The following RTL4 variants were observed in gnomAD, a reference collection of about 807,000 sequenced individuals.
The protein encoded by RTL4 is retrotransposon Gag like 4.
RTL4 carries 4 observed loss-of-function variants against 5.3 expected under a neutral mutation model. The ratio of observed to expected loss-of-function variants is 0.75; its 90% confidence interval spans 0.37 to 1.72. The LOEUF is 1.72. RTL4 is among the 40% of genes most tolerant of loss of function. The pLI, the probability that RTL4 is intolerant of heterozygous loss-of-function variation, is 0.04. For missense variants in RTL4, 260 were observed against 227.1 expected (o/e 1.14, Z -0.93); for synonymous variants, 98 against 87.3 (o/e 1.12, Z -0.68).
the RTL4 span, among the ~76,000 whole-genome samples, chrX:112,393,394 A>G: frequency 1.8e-5 from 2 of 110,118 alleles, no homozygotes; most frequent in African/African-American, 3.3e-5. Flanking sequence ...TTCAAAGCCC[A>G]GAAGCTGGAA....
chrX:112,124,514 C>T, the RTL4 span, among the ~76,000 whole-genome samples: 1 of 111,620 alleles, frequency 9.0e-6, no homozygotes, highest in African/African-American at 3.3e-5. Flanking sequence ...AGATCATGTC[C>T]TTTGCAGGGA....
the RTL4 span, among the ~76,000 whole-genome samples, chrX:112,445,732 C>T: frequency 2.2e-4 from 24 of 111,624 alleles, no homozygotes; most frequent in Middle Eastern, 4.7e-3. Flanking sequence ...AATATCCATG[C>T]TCAGTGAGGG....
the RTL4 span, among the ~76,000 whole-genome samples, chrX:112,422,730 A>T: frequency 1.8e-5 from 2 of 110,752 alleles, no homozygotes; most frequent in African/African-American, 6.5e-5. Context: ...AAGAGTCTAG[A>T]TTCTGCTTGT....
chrX:112,223,415 T>A, the RTL4 span, among the ~76,000 whole-genome samples: 48 of 112,355 alleles, frequency 4.3e-4, no homozygotes, highest in East Asian at 0.013. Context: ...ATTTCCTTGA[T>A]GTAATCTAAT....
At chrX:112,381,931 G>C in the RTL4 span, 1 of 1,209,678 alleles carries the variant, frequency 8.3e-7, no homozygotes, top group Non-Finnish European at 1.1e-6. Flanking sequence ...CCCAGGCCTT[G>C]AAGTTGGCAG....
At chrX:112,296,488 C>T in the RTL4 span, among the ~76,000 whole-genome samples, 131 of 111,552 alleles carry the variant, frequency 1.2e-3, no homozygotes, top group African/African-American at 4.2e-3. Context: ...ATCCCTCCAC[C>T]AAACCCCATA....
chrX:112,230,988 G>A, the RTL4 span, among the ~76,000 whole-genome samples: 539 of 111,095 alleles, frequency 4.9e-3, 3 homozygotes, highest in African/African-American at 0.017. Flanking sequence ...CATCATCACT[G>A]GCCATCAGAG....
At chrX:112,253,667 T>G in the RTL4 span, among the ~76,000 whole-genome samples, 1 of 112,110 alleles carries the variant, frequency 8.9e-6, no homozygotes, top group Non-Finnish European at 1.9e-5. Context: ...AGACTGATTA[T>G]GACAGCCTAA....
the RTL4 span, among the ~76,000 whole-genome samples, chrX:112,299,022 T>A: frequency 8.9e-6 from 1 of 112,442 alleles, no homozygotes; most frequent in Non-Finnish European, 1.9e-5. Context: ...AGGCTGTTCT[T>A]GCCAATCATA....
the RTL4 span, among the ~76,000 whole-genome samples, chrX:112,329,336 G>A: frequency 2.7e-5 from 3 of 111,269 alleles, no homozygotes; most frequent in South Asian, 3.8e-4. Context: ...TATCACCACC[G>A]ATCCCACAGA....
chrX:112,350,437 T>C, the RTL4 span, among the ~76,000 whole-genome samples: 2 of 109,671 alleles, frequency 1.8e-5, no homozygotes, highest in Non-Finnish European at 3.8e-5. Flanking sequence ...TCAGAAGGAA[T>C]GGTACCAGTT....
At chrX:112,083,770 C>T in the RTL4 span, among the ~76,000 whole-genome samples, 28 of 111,326 alleles carry the variant, frequency 2.5e-4, no homozygotes, top group Non-Finnish European at 4.3e-4. Context: ...TATAGCCTGG[C>T]GCTCAGAATG....
the RTL4 span, among the ~76,000 whole-genome samples, chrX:112,402,996 C>T: frequency 2.7e-5 from 3 of 111,494 alleles, no homozygotes; most frequent in South Asian, 7.5e-4. Context: ...ATTTAGTATG[C>T]GGTATGAATA....
At chrX:112,109,245 G>T in the RTL4 span, among the ~76,000 whole-genome samples, 1 of 111,789 alleles carries the variant, frequency 8.9e-6, no homozygotes, top group African/African-American at 3.3e-5. Flanking sequence ...GTCCGTAGTT[G>T]GTTCCTTCCA....
At chrX:112,143,535 G>T in the RTL4 span, among the ~76,000 whole-genome samples, 1 of 111,566 alleles carries the variant, frequency 9.0e-6, no homozygotes, top group African/African-American at 3.3e-5. Flanking sequence ...ATTCCAGGAG[G>T]TGTCTTTATT....
the RTL4 span, among the ~76,000 whole-genome samples, chrX:112,084,110 T>A: frequency 9.0e-6 from 1 of 110,897 alleles, no homozygotes. Context: ...GGAGCCTAAG[T>A]GTAAGCTCCC....
At chrX:112,102,976 G>A in the RTL4 span, among the ~76,000 whole-genome samples, 2 of 112,042 alleles carry the variant, frequency 1.8e-5, no homozygotes, top group African/African-American at 6.5e-5. Flanking sequence ...CTTTTACATT[G>A]TTGGTAGGAG....
chrX:112,107,623 T>C, the RTL4 span, among the ~76,000 whole-genome samples: 1 of 112,156 alleles, frequency 8.9e-6, no homozygotes, highest in Non-Finnish European at 1.9e-5. Flanking sequence ...GCACTTTGAA[T>C]ATATCATCCC....
chrX:112,151,864 C>G, the RTL4 span, among the ~76,000 whole-genome samples: 1 of 112,076 alleles, frequency 8.9e-6, no homozygotes, highest in Middle Eastern at 4.2e-3. Context: ...GACAGCCATG[C>G]ATGTTTACAA....
Sources: allele counts gnomAD v4.1 joint callset (sites outside exome capture counted in the v4.1 genomes callset), GRCh38; gene constraint gnomAD v4.1.1; transcripts MANE v1.5; gene names NCBI Gene and HGNC (gene_info 2026-07-23, HGNC 2026-07-21).